The following AGBL4 variants were observed in gnomAD, a reference collection of about 807,000 sequenced individuals.
AGBL4 encodes the protein AGBL carboxypeptidase 4.
In AGBL4, 58 loss-of-function variants were observed where a neutral mutation model predicts 66.4. That is an observed-to-expected ratio of 0.87 (90% CI 0.71 to 1.09). The LOEUF is 1.09. AGBL4 is among the 50% of genes least tolerant of loss of function. The probability of loss-of-function intolerance (pLI) is 0.00; values close to 1 mark genes in which losing one functional copy is unlikely to be tolerated. For missense variants in AGBL4, 579 were observed against 631.0 expected (o/e 0.92, Z 0.88); for synonymous variants, 234 against 222.9 (o/e 1.05, Z -0.44).
At chr1:48,553,590 T>A (rs1644279980) in intron 11 of AGBL4, among the ~76,000 whole-genome samples, 1 of 152,142 alleles carries the variant, frequency 6.6e-6, no homozygotes. Context: ...CGATGTTCTG[T>A]GAGCCTCTAT....
intron 3 of AGBL4, among the ~76,000 whole-genome samples, chr1:49,692,662 G>A (rs1558166933): frequency 1.3e-5 from 2 of 150,930 alleles, no homozygotes; most frequent in Non-Finnish European, 1.5e-5. Context: ...AGCTTGCAGT[G>A]AGCCAAGATC....
intron 4 of AGBL4, among the ~76,000 whole-genome samples, chr1:49,178,573 A>G (rs1420110361): frequency 6.6e-6 from 1 of 152,154 alleles, no homozygotes; most frequent in Non-Finnish European, 1.5e-5. Flanking sequence ...TACCCAGCAA[A>G]TGTTAGGTAA....
intron 3 of AGBL4, among the ~76,000 whole-genome samples, chr1:49,552,535 G>A (rs780476287): frequency 2.0e-4 from 31 of 152,166 alleles, no homozygotes; most frequent in Non-Finnish European, 3.8e-4. Flanking sequence ...CTCAGTTCCA[G>A]GTAAGGTCGG....
At chr1:49,759,265 C>T (rs1243828041) in intron 2 of AGBL4, among the ~76,000 whole-genome samples, 1 of 152,130 alleles carries the variant, frequency 6.6e-6, no homozygotes, top group African/African-American at 2.4e-5. Flanking sequence ...GGCTCTTTAC[C>T]TCTCTGTAGT....
At chr1:48,834,349 T>C (rs1399462505) in intron 6 of AGBL4, among the ~76,000 whole-genome samples, 1 of 152,146 alleles carries the variant, frequency 6.6e-6, no homozygotes, top group Non-Finnish European at 1.5e-5. Flanking sequence ...GGAATTAATG[T>C]ATTTTGCATG....
chr1:49,548,040 G>A (rs1419303755), intron 3 of AGBL4, among the ~76,000 whole-genome samples: 7 of 152,138 alleles, frequency 4.6e-5, no homozygotes, highest in Non-Finnish European at 4.4e-5. Flanking sequence ...CCAAAGTGCT[G>A]GGATTACAGG....
chr1:48,982,177 G>T (rs1204701609), intron 5 of AGBL4, among the ~76,000 whole-genome samples: 3 of 152,156 alleles, frequency 2.0e-5, no homozygotes, highest in Admixed American at 6.5e-5. Flanking sequence ...GGAGCCAGGT[G>T]ACAGGGCTGT....
At chr1:48,865,189 T>C (rs1256755716) in intron 6 of AGBL4, among the ~76,000 whole-genome samples, 1 of 152,010 alleles carries the variant, frequency 6.6e-6, no homozygotes, top group Non-Finnish European at 1.5e-5. Context: ...AGATGTAGAA[T>C]GGGGGTGAAT....
chr1:49,246,464 C>T (rs544337045), intron 3 of AGBL4, among the ~76,000 whole-genome samples: 78 of 151,854 alleles, frequency 5.1e-4, no homozygotes, highest in Non-Finnish European at 9.7e-4. Flanking sequence ...CATCCTCTTT[C>T]GTACCCTCTT....
intron 1 of AGBL4, among the ~76,000 whole-genome samples, chr1:49,949,129 G>C (rs1051232230): frequency 6.6e-6 from 1 of 151,568 alleles, no homozygotes; most frequent in African/African-American, 2.4e-5. Context: ...TGGGATAATT[G>C]GCTAGCCACA....
chr1:49,504,581 T>C (rs1367822757), intron 3 of AGBL4, among the ~76,000 whole-genome samples: 4 of 152,100 alleles, frequency 2.6e-5, no homozygotes, highest in African/African-American at 9.7e-5. Context: ...TACCCCTCTC[T>C]CATTACATAA....
rs375214469 is a variant in AGBL4, at chr1:49,696,051, A to C, written c.282+1262T>G. Among the ~76,000 whole-genome samples the C allele has an allele frequency of 1.0e-3, 153 of 152,224 alleles. 2 individuals are homozygous for C. The South Asian group carries it at 0.03, about 30-fold the overall frequency. On this transcript the variant is annotated intron_variant, in intron 3 of 13. Transcript: ENST00000371839. ...GAATAGATTGACTCAGGAGAAGCTA[A>C]ACTCCCTAGGAGAAGCTAAACTCCC... is the stretch of plus-strand genomic sequence containing the variant.
chr1:48,712,822 A>C (rs1646989270), intron 6 of AGBL4, among the ~76,000 whole-genome samples: 1 of 152,190 alleles, frequency 6.6e-6, no homozygotes, highest in African/African-American at 2.4e-5. Context: ...TGCTCAATCC[A>C]ATTACATAGT....
intron 8 of AGBL4, among the ~76,000 whole-genome samples, chr1:48,648,932 T>C (rs1470707950): frequency 6.6e-6 from 1 of 152,224 alleles, no homozygotes; most frequent in Non-Finnish European, 1.5e-5. Context: ...TGACTGCATC[T>C]GGCCCTAGTT....
chr1:49,897,058 G>C (rs1649297360), intron 1 of AGBL4, among the ~76,000 whole-genome samples: 1 of 152,016 alleles, frequency 6.6e-6, no homozygotes, highest in East Asian at 1.9e-4. Flanking sequence ...AACAAGACAA[G>C]GATGCCCACT....
intron 4 of AGBL4, among the ~76,000 whole-genome samples, chr1:49,081,614 G>A (rs1008185473): frequency 3.9e-5 from 6 of 152,198 alleles, no homozygotes. Flanking sequence ...GAGCCTGAAA[G>A]TAGCCAAAGG....
In AGBL4 at chr1:49,097,082, A is replaced by C. The variant is rs535407292; in HGVS notation, c.378-51282T>G. On this transcript the variant is annotated intron_variant, in intron 4 of 13. Transcript: ENST00000371839. The stretch of plus-strand genomic sequence containing the variant: ...TAGCTTCAGAATTGTAAGAGAATAA[A>C]ATTGTGTTGTTGTATGCCACTAAGT... 3.0e-4 allele frequency among the ~76,000 whole-genome samples: 45 copies of C among 152,310 alleles called. 1 individual carries two copies. Among genetic ancestry groups the C allele is most frequent in the African/African-American group, 1.0e-3 (43 of 41,574 alleles).
chr1:49,273,732 A>T (rs1323099509), intron 3 of AGBL4, among the ~76,000 whole-genome samples: 1 of 151,986 alleles, frequency 6.6e-6, no homozygotes, highest in Non-Finnish European at 1.5e-5. Context: ...GCTGGAGTGC[A>T]GTGGTACAAT....
intron 5 of AGBL4, among the ~76,000 whole-genome samples, chr1:48,986,602 A>G (rs564115144): frequency 2.6e-5 from 4 of 152,176 alleles, no homozygotes; most frequent in African/African-American, 9.6e-5. Context: ...TTTCAGATAT[A>G]AAAAAGCTAA....
Sources: gnomAD v4.1 joint callset for allele counts (sites outside exome capture counted in the v4.1 genomes callset) on GRCh38, gnomAD v4.1.1 for gene constraint, MANE v1.5 for transcripts, NCBI Gene and HGNC (gene_info 2026-07-23, HGNC 2026-07-21) for gene names.